The following DMD variants were observed in gnomAD, a reference collection of about 807,000 sequenced individuals.
DMD encodes dystrophin.
DMD carries 63 observed loss-of-function variants against 330.1 expected under a neutral mutation model. That is an observed-to-expected ratio of 0.19 (90% confidence interval 0.16 to 0.24). The LOEUF is 0.24. Ranked by LOEUF, DMD falls within the 10% of genes least tolerant of loss-of-function variation. DMD has a pLI of 1.00. For missense variants in DMD, 3,344 were observed against 2,684.1 expected, an observed-to-expected ratio of 1.25 and a Z score of -5.43; for synonymous variants, 1,223 against 959.8, an observed-to-expected ratio of 1.27 and a Z score of -5.07.
At chrX:32,740,383 G>A (rs754705095) in intron 7 of DMD, among the ~76,000 whole-genome samples, 44 of 110,548 alleles carry the variant, frequency 4.0e-4, no homozygotes, top group Admixed American at 1.3e-3. Flanking sequence ...AAGAGAACAT[G>A]TGTATCAACA....
At chrX:32,219,661 C>G (rs1362510430) in intron 43 of DMD, among the ~76,000 whole-genome samples, 1 of 111,460 alleles carries the variant, frequency 9.0e-6, no homozygotes, top group East Asian at 2.8e-4. Flanking sequence ...ACCACTCCAC[C>G]TTTGTAGCAA....
At chrX:32,016,689 T>C (rs12008458) in intron 44 of DMD, among the ~76,000 whole-genome samples, 23,904 of 111,680 alleles carry the variant, frequency 0.21, 2,653 homozygotes, top group East Asian at 0.5. Context: ...CCTTTGATCA[T>C]CAGTGATCAT....
At chrX:32,720,689 G>C (rs2066204257) in intron 7 of DMD, among the ~76,000 whole-genome samples, 1 of 111,452 alleles carries the variant, frequency 9.0e-6, no homozygotes, top group South Asian at 3.7e-4. Context: ...AAGTAGCTGA[G>C]GCGATAGACA....
chrX:31,885,611 C>CAAAAA (rs762289533), intron 47 of DMD, among the ~76,000 whole-genome samples: 6 of 52,321 alleles, frequency 1.1e-4, no homozygotes, highest in East Asian at 5.2e-4. Flanking sequence ...CTCCGTCTCA[C>CAAAAA]AAAAAAAAAA....
At chrX:32,911,941 C>G (rs780177385) in intron 2 of DMD, among the ~76,000 whole-genome samples, 1 of 109,116 alleles carries the variant, frequency 9.2e-6, no homozygotes, top group African/African-American at 3.3e-5. Context: ...GACAAAGTGA[C>G]TCAGAGTTTA....
rs201244113 is a variant in DMD, at chrX:32,531,759, TA to T, written c.2168+13399del. Among the ~76,000 whole-genome samples the T allele has an allele frequency of 3.4e-3, 364 of 107,147 alleles. 2 individuals are homozygous for T. Among genetic ancestry groups the T allele is most frequent in the South Asian group, 0.024 (61 of 2,509 alleles). The allele number at this position is 107,147 out of a possible 115,157, so 93.0% of individuals were successfully genotyped here. On this transcript the variant is annotated intron_variant, in intron 17 of 78. Coordinates refer to ENST00000357033, the MANE Select transcript of DMD (RefSeq NM_004006.3). Reference sequence around the variant, plus strand: ...TTCCAAATAAACGAGAAACCCATCTTAAAAAAAAAATAAGGATAAGTCAATA... The same window carrying T: ...TTCCAAATAAACGAGAAACCCATCTTAAAAAAAAATAAGGATAAGTCAATA...
rs2094860185 is a variant in DMD at position 31,931,970 on chromosome X, A to G, written c.6762+110T>C. On this transcript the variant is annotated intron_variant, in intron 46 of 78. Transcript: ENST00000357033. The stretch of plus-strand genomic sequence containing the variant: ...AAGTTGTGAGAAAAACACTTTAGCA[A>G]GGAACTATGAATAACCTAATGGGCA... 4 of 918,370 alleles carry G rather than the reference A, an allele frequency of 4.4e-6. No individual in the cohort carries two copies. In the East Asian group the frequency reaches 1.3e-4, roughly 29 times the overall value. 75.7% of individuals were successfully genotyped at this position (918,370 alleles called of 1,213,427 possible).
At chrX:31,284,605 C>CTTCTTCTTCTTCTTCTTT (rs776178641) in intron 62 of DMD, among the ~76,000 whole-genome samples, 4 of 91,091 alleles carry the variant, frequency 4.4e-5, no homozygotes, top group African/African-American at 1.7e-4. Flanking sequence ...TCTTCTTCTT[C>CTTCTTCTTCTTCTTCTTT]TTTTTTTTGG....
intron 29 of DMD, among the ~76,000 whole-genome samples, chrX:32,429,458 G>C (rs1016238575): frequency 1.9e-4 from 18 of 92,940 alleles, no homozygotes; most frequent in African/African-American, 7.6e-4. Context: ...AGCCTGGTCT[G>C]CCTGCCTTGG....
In DMD at chrX:31,121,852, TCTGTCATGACTGATACTAAG is replaced by T; in HGVS notation, c.*47_*66del. 8.3e-7 allele frequency: 1 copy of T among 1,201,847 alleles called. No homozygotes were observed. The highest frequency in any genetic ancestry group is 1.1e-6 in the Non-Finnish European group (1 of 886,454). ...AAACATTTATTCTGCTCCTTCTTCA[TCTGTCATGACTGATACTAAG>T]GACTCCATCGCTCTGCCCAAATCAT... On this transcript the variant is annotated 3_prime_UTR_variant, in exon 79 of 79. Transcript: ENST00000357033.
At chrX:32,117,762 C>A (rs1048135092) in intron 44 of DMD, among the ~76,000 whole-genome samples, 10 of 111,651 alleles carry the variant, frequency 9.0e-5, no homozygotes, top group Non-Finnish European at 1.9e-4. Context: ...TAAGAAAGTG[C>A]CTTCGGTGGA....
chrX:32,778,276 T>C (rs1162708239), intron 7 of DMD, among the ~76,000 whole-genome samples: 3 of 107,882 alleles, frequency 2.8e-5, no homozygotes, highest in African/African-American at 1.0e-4. Context: ...GACTTTCGTC[T>C]AGGGTGAGGG....
intron 68 of DMD, among the ~76,000 whole-genome samples, chrX:31,181,996 C>G (rs1041838321): frequency 5.3e-5 from 6 of 112,282 alleles, no homozygotes; most frequent in African/African-American, 1.6e-4. Flanking sequence ...CCTGTCTCCC[C>G]AAACAGGTCA....
intron 1 of DMD, among the ~76,000 whole-genome samples, chrX:33,265,938 C>A (rs1442053224): frequency 9.0e-6 from 1 of 111,167 alleles, no homozygotes; most frequent in African/African-American, 3.3e-5. Flanking sequence ...GATAAGAAGA[C>A]CCTTGGATTT....
intron 13 of DMD, among the ~76,000 whole-genome samples, chrX:32,581,237 A>G (rs2053623449): frequency 1.8e-5 from 2 of 112,400 alleles, no homozygotes; most frequent in Non-Finnish European, 3.7e-5. Flanking sequence ...ACAAATTCTA[A>G]CGTACATACC....
At chrX:33,270,286 G>A (rs906721372) in intron 1 of DMD, among the ~76,000 whole-genome samples, 1 of 110,168 alleles carries the variant, frequency 9.1e-6, no homozygotes, top group African/African-American at 3.3e-5. Flanking sequence ...AGCCAAAATT[G>A]TAGCTGTGAG....
chrX:32,081,149 T>C (rs1472715343), intron 44 of DMD, among the ~76,000 whole-genome samples: 2 of 112,143 alleles, frequency 1.8e-5, no homozygotes, highest in Non-Finnish European at 3.8e-5. Flanking sequence ...ACATTTCTCA[T>C]CTGCCTTTCT....
At chrX:32,615,524 T>A (rs2057494066) in intron 11 of DMD, among the ~76,000 whole-genome samples, 1 of 111,977 alleles carries the variant, frequency 8.9e-6, no homozygotes, top group Admixed American at 9.5e-5. Flanking sequence ...TTAAAGGAAA[T>A]ACTCTTTATA....
Position 32,463,470 on chromosome X carries a change from A to T in DMD, c.3401T>A (p.Leu1134His). ...ASRLETELKE[L>H]NTQWDHMCQQ... ...GCACATGTGATCCCACTGAGTGTTA[A>T]GTTCTTTGAGTTCTGTCTCAAGTCT... The change falls in exon 25 of 79, where the codon CTT (leucine) becomes CAT (histidine). Residue 1134 changes from leucine (L) to histidine (H), a missense_variant. By Grantham distance (99) the Leu-to-His change is moderately conservative. Coordinates refer to ENST00000357033, the MANE Select transcript of DMD (RefSeq NM_004006.3). 1 of 1,207,727 alleles carries T rather than the reference A, an allele frequency of 8.3e-7. No homozygotes were observed. Among genetic ancestry groups the T allele is most frequent in the Non-Finnish European group, 1.1e-6 (1 of 893,587 alleles).
Sources: gnomAD v4.1 joint callset for allele counts (sites outside exome capture counted in the v4.1 genomes callset) on GRCh38, gnomAD v4.1.1 for gene constraint, MANE v1.5 for transcripts, NCBI Gene and HGNC (gene_info 2026-07-23, HGNC 2026-07-21) for gene names.